The following KIF1B variants were observed in gnomAD, a reference collection of about 807,000 sequenced individuals.
The protein encoded by KIF1B is kinesin-like protein KIF1B.
KIF1B carries 76 observed loss-of-function variants against 241.9 expected under a neutral mutation model. The observed-to-expected ratio is 0.31, with a 90% CI of 0.26 to 0.38. The LOEUF (loss-of-function observed/expected upper bound fraction) is 0.38, where lower values mean the gene tolerates loss of function less well. Among genes scored for constraint, KIF1B ranks in the 10% least tolerant of loss-of-function variants. The probability of loss-of-function intolerance (pLI) is 1.00; values close to 1 mark genes in which losing one functional copy is unlikely to be tolerated. For synonymous variants in KIF1B, 750 were observed against 796.7 expected (o/e 0.94, Z 0.99); for missense variants, 1,622 against 2,271.4 (o/e 0.71, Z 5.81).
At chr1:10,302,196 G>T (rs1307204962) in intron 22 of KIF1B, among the ~76,000 whole-genome samples, 47 of 152,036 alleles carry the variant, frequency 3.1e-4, no homozygotes, top group Admixed American at 3.1e-3. Context: ...AAGTATATTT[G>T]CCCAGCTTTA....
At chr1:10,367,959 C>T (rs979931348) in intron 43 of KIF1B, among the ~76,000 whole-genome samples, 6 of 151,884 alleles carry the variant, frequency 4.0e-5, no homozygotes, top group Non-Finnish European at 8.8e-5. Flanking sequence ...GATCTCCTGA[C>T]CTCGTGATCC....
At chr1:10,299,761 T>G (rs1056413118) in intron 22 of KIF1B, among the ~76,000 whole-genome samples, 1 of 152,176 alleles carries the variant, frequency 6.6e-6, no homozygotes, top group Admixed American at 6.5e-5. Flanking sequence ...CTTTCTGTGC[T>G]TGCTTTTTAC....
In KIF1B at chr1:10,379,996, A is replaced by AT. The variant is rs1638981797; in HGVS notation, c.*3415dup. On this transcript the variant is annotated 3_prime_UTR_variant, in exon 49 of 49. Coordinates refer to ENST00000676179, the MANE Select transcript of KIF1B (RefSeq NM_001365951.3). ...CCCAACTAAGAAACCACTATTATATATTTTTTCCCTTCAGTCACATAGACT... is the reference window on the plus strand; with the variant it reads ...CCCAACTAAGAAACCACTATTATATATTTTTTTCCCTTCAGTCACATAGACT... 1 of 229,082 alleles carries AT rather than the reference A, an allele frequency of 4.4e-6. No individual in the cohort carries two copies. Among genetic ancestry groups the AT allele is most frequent in the Non-Finnish European group, 8.7e-6 (1 of 115,408 alleles). The allele number at this position is 229,082 out of a possible 1,614,324, so 14.2% of individuals were successfully genotyped here. A position where few individuals can be genotyped will look rare whatever the true frequency, so the allele number is the denominator to read the frequency against.
intron 2 of KIF1B, among the ~76,000 whole-genome samples, chr1:10,249,079 G>A (rs1047515279): frequency 6.6e-6 from 1 of 152,196 alleles, no homozygotes; most frequent in Non-Finnish European, 1.5e-5. Flanking sequence ...GAAAAGTGGC[G>A]ACTTGTCCTA....
At position 10,365,793 on chromosome 1, in the gene KIF1B, C is replaced by A; in HGVS notation, c.4752+145C>A. On this transcript the variant is annotated intron_variant, in intron 43 of 48. Transcript: ENST00000676179. The surrounding 1 kb of genome is among the most constrained non-coding windows in gnomAD (Gnocchi z 4.0). ...AATGTAGAAATAAAAAGACGCAGTT[C>A]CTACCCTCAACAAGCTTACAGGGCC... The A allele has an allele frequency of 1.7e-6, 2 of 1,201,516 alleles. No homozygotes were observed. The highest frequency in any genetic ancestry group is 2.4e-6 in the Non-Finnish European group (2 of 837,290). 74.4% of individuals were successfully genotyped at this position (1,201,516 alleles called of 1,614,324 possible).
chr1:10,336,936 C>T, intron 29 of KIF1B, 138 bp from the exon 30 acceptor site: 1 of 1,232,440 alleles, frequency 8.1e-7, no homozygotes, highest in South Asian at 1.2e-5. Flanking sequence ...TATTCATTGC[C>T]TTTCCTCAGA....
At chr1:10,361,090 C>G in intron 39 of KIF1B, 47 bp downstream of exon 39, 1 of 1,219,414 alleles carries the variant, frequency 8.2e-7, no homozygotes, top group South Asian at 1.2e-5. Context: ...CAGCCCTGAA[C>G]AGTGTGCAGG....
At chr1:10,304,891 C>T (rs1650751956) in intron 22 of KIF1B, 3 of 1,362,780 alleles carry the variant, frequency 2.2e-6, no homozygotes, top group East Asian at 2.9e-5. Flanking sequence ...CTGAAACGTT[C>T]CTCCTTTTTT....
chr1:10,337,613 T>C lies in KIF1B; in HGVS notation c.3422+80T>C. On this transcript the variant is annotated intron_variant, in intron 31 of 48. Coordinates refer to ENST00000676179, the MANE Select transcript of KIF1B (RefSeq NM_001365951.3). The surrounding 1 kb of genome is among the most constrained non-coding windows in gnomAD (Gnocchi z 4.0). ...CTTGTGCACTGTAGAGTGCTTTACATGTGTGAGGGATTAACACTCTTGAGA... is the reference window on the plus strand; with the variant it reads ...CTTGTGCACTGTAGAGTGCTTTACACGTGTGAGGGATTAACACTCTTGAGA... The C allele has an allele frequency of 1.4e-6, 2 of 1,445,092 alleles. No individual in the cohort carries two copies. The allele number at this position is 1,445,092 out of a possible 1,614,324, so 89.5% of individuals were successfully genotyped here.
At chr1:10,313,690 A>G (rs1055420392) in intron 22 of KIF1B, among the ~76,000 whole-genome samples, 4 of 148,668 alleles carry the variant, frequency 2.7e-5, no homozygotes, top group Non-Finnish European at 5.9e-5. Context: ...AGCTGGGACT[A>G]CAGGTGCCCA....
At chr1:10,217,608 C>T (rs1405666820) in intron 1 of KIF1B, among the ~76,000 whole-genome samples, 1 of 152,070 alleles carries the variant, frequency 6.6e-6, no homozygotes, top group East Asian at 1.9e-4. Flanking sequence ...TGAGCCACCG[C>T]ACCCAGCTGC....
chr1:10,378,825 A>G lies in KIF1B; in HGVS notation c.*2238A>G. 4.1e-6 allele frequency: 1 copy of G among 245,990 alleles called. No individual in the cohort carries two copies. 15.2% of individuals were successfully genotyped at this position (245,990 alleles called of 1,614,324 possible). ...GAGAGAGAAAGGAAAGGATAGAATC[A>G]CAGGCTGCGTCTGCACCTGAAAAGT... On this transcript the variant is annotated 3_prime_UTR_variant, in exon 49 of 49. Transcript: ENST00000676179.
intron 22 of KIF1B, among the ~76,000 whole-genome samples, chr1:10,302,604 T>A (rs1040692094): frequency 6.6e-6 from 1 of 152,226 alleles, no homozygotes; most frequent in African/African-American, 2.4e-5. Flanking sequence ...CCTGGCGTCC[T>A]ACAGCCTTAC....
intron 1 of KIF1B, among the ~76,000 whole-genome samples, chr1:10,222,207 G>A (rs1462858005): frequency 2.0e-5 from 3 of 152,114 alleles, no homozygotes; most frequent in African/African-American, 4.8e-5. Flanking sequence ...ATGAATTAAC[G>A]CATCCTGCTC....
At position 10,347,743 on chromosome 1, in the gene KIF1B, T is replaced by C. The variant is rs1652637104; in HGVS notation, c.3798-18T>C. On this transcript the variant is annotated intron_variant, in intron 35 of 48. Coordinates refer to ENST00000676179, the MANE Select transcript of KIF1B (RefSeq NM_001365951.3). ...TGAAGTAGCACTTAGTTTTTTCTTT[T>C]GCGTTTCTATTTTTTAGGTATATCC... 1.2e-6 allele frequency: 2 copies of C among 1,610,562 alleles called. No homozygotes were observed. Among genetic ancestry groups the C allele is most frequent in the Non-Finnish European group, 1.7e-6 (2 of 1,177,116 alleles).
At position 10,378,061 on chromosome 1, in the gene KIF1B, A is replaced by G. The variant is rs949559734; in HGVS notation, c.*1474A>G. The stretch of plus-strand genomic sequence containing the variant: ...CCCTCTGAATCCAGCAGTTGTTTTC[A>G]TTGATGCTTGTCAGGTTGAAGATGC... On this transcript the variant is annotated 3_prime_UTR_variant, in exon 49 of 49. Coordinates refer to ENST00000676179, the MANE Select transcript of KIF1B (RefSeq NM_001365951.3). The G allele has an allele frequency of 2.3e-6, 1 of 428,474 alleles. No homozygotes were observed. The highest frequency in any genetic ancestry group is 4.2e-6 in the Non-Finnish European group (1 of 239,230). The allele number at this position is 428,474 out of a possible 1,614,324, so 26.5% of individuals were successfully genotyped here. A position where few individuals can be genotyped will look rare whatever the true frequency, so the allele number is the denominator to read the frequency against.
At chr1:10,367,182 A>G (rs1638599435) in intron 43 of KIF1B, among the ~76,000 whole-genome samples, 1 of 151,392 alleles carries the variant, frequency 6.6e-6, no homozygotes, top group South Asian at 2.1e-4. Context: ...TGCAACCTCC[A>G]CTTCCCAGGT....
At chr1:10,258,401 G>C (rs1647922782) in intron 3 of KIF1B, 92 bp from the exon 4 acceptor site, 3 of 1,358,910 alleles carry the variant, frequency 2.2e-6, no homozygotes, top group Admixed American at 1.9e-5. Flanking sequence ...TGACTGTTCT[G>C]ATTCCAGACA....
intron 12 of KIF1B, among the ~76,000 whole-genome samples, chr1:10,277,004 C>G (rs1436302247): frequency 1.3e-5 from 2 of 151,342 alleles, no homozygotes; most frequent in African/African-American, 4.9e-5. Context: ...TTGCTTGAAC[C>G]TGGGAGGCGG....
Sources: allele counts gnomAD v4.1 joint callset (sites outside exome capture counted in the v4.1 genomes callset), GRCh38; gene constraint gnomAD v4.1.1; non-coding constraint Gnocchi (gnomAD v3.1); transcripts MANE v1.5; gene names NCBI Gene and HGNC (gene_info 2026-07-23, HGNC 2026-07-21).